MEAK7: variants seen among roughly 807,000 people sequenced by gnomAD.
MEAK7 encodes MTOR associated protein MEAK7, also known as MTOR-associated protein MEAK7.
Under a neutral mutation model 40.5 loss-of-function variants are expected in MEAK7, and 68 were observed. The observed-to-expected ratio is 1.68, with a 90% CI of 1.38 to 2.06. The LOEUF (loss-of-function observed/expected upper bound fraction) is 2.06, where lower values mean the gene tolerates loss of function less well. Ranked by LOEUF, MEAK7 falls within the 30% of genes most tolerant of loss-of-function variation. The pLI, the probability that MEAK7 is intolerant of heterozygous loss-of-function variation, is 0.00. For missense variants in MEAK7, 918 were observed against 580.5 expected (o/e 1.58, Z -5.98); for synonymous variants, 338 against 231.9 (o/e 1.46, Z -4.16).
In MEAK7 at chr16:84,487,015, C is replaced by A. The variant is rs1300535737; in HGVS notation, c.574G>T (p.Asp192Tyr). ...ACCCAGTCCTCGATCACAGCTCGGTCACAGTCATAGTCCAGCCACTGGGGC... is the reference window on the plus strand; with the variant it reads ...ACCCAGTCCTCGATCACAGCTCGGTAACAGTCATAGTCCAGCCACTGGGGC... ...LGPQWLDYDC[D>Y]RAVIEDWVFR... is the part of the protein sequence containing the mutation. Residue 192 changes from aspartate (D) to tyrosine (Y), a missense_variant, in exon 5 of 8, where the codon GAC becomes TAC. Physicochemically the swap from Asp to Tyr is radical, Grantham distance 160 (BLOSUM62 -3). Coordinates refer to ENST00000343629, the MANE Select transcript of MEAK7 (RefSeq NM_020947.4). 5 of 1,613,870 alleles carry A rather than the reference C, an allele frequency of 3.1e-6. No individual in the cohort carries two copies. The highest frequency in any genetic ancestry group is 2.2e-5 in the East Asian group (1 of 44,888).
rs989704469 is a variant in MEAK7 at position 84,487,167 on chromosome 16, G to C, written c.530-108C>G. On this transcript the variant is annotated intron_variant, in intron 4 of 7. Transcript: ENST00000343629. ...GAGCCACGAGTCACATGCAATTACT[G>C]AGCACAGAAAACAGGGCTCGTGTGA... The C allele has an allele frequency of 4.3e-6, 5 of 1,158,830 alleles. No individual in the cohort carries two copies. The Admixed American group carries it at 1.4e-4, about 32-fold the overall frequency. 71.8% of individuals were successfully genotyped at this position (1,158,830 alleles called of 1,614,324 possible).
At chr16:84,484,496 C>A (rs2150627694) in intron 5 of MEAK7, among the ~76,000 whole-genome samples, 1 of 152,300 alleles carries the variant, frequency 6.6e-6, no homozygotes, top group East Asian at 1.9e-4. Context: ...AAGCCTTGGG[C>A]CTTTTCAATG....
At chr16:84,494,006 G>T (rs1407667822) in intron 3 of MEAK7, among the ~76,000 whole-genome samples, 1 of 152,002 alleles carries the variant, frequency 6.6e-6, no homozygotes, top group Admixed American at 6.5e-5. Flanking sequence ...TAAATTCTTG[G>T]CTAGGCTTGG....
At chr16:84,501,093 CA>C (rs1273097004) in intron 1 of MEAK7, among the ~76,000 whole-genome samples, 8 of 27,810 alleles carry the variant, frequency 2.9e-4, no homozygotes, top group South Asian at 1.2e-3. Flanking sequence ...AGACTCGTCT[CA>C]AAAAAAAAAA....
chr16:84,496,680 A>G (rs1192048297), intron 2 of MEAK7, among the ~76,000 whole-genome samples: 2 of 152,060 alleles, frequency 1.3e-5, no homozygotes, highest in Admixed American at 1.3e-4. Flanking sequence ...CTGCATCACC[A>G]GGATGCAGGA....
At position 84,497,008 on chromosome 16, in the gene MEAK7, A is replaced by G. The variant is rs141411783; in HGVS notation, c.153+926T>C. 1,029 of 167,568 alleles carry G rather than the reference A, an allele frequency of 6.1e-3. 41 individuals are homozygous for G. The highest frequency in any genetic ancestry group is 6.8e-3 in the East Asian group (38 of 5,620). 10.4% of individuals were successfully genotyped at this position (167,568 alleles called of 1,614,324 possible). On this transcript the variant is annotated intron_variant, in intron 2 of 7. Transcript: ENST00000343629. ...TCCATGTTCCTTGGGCTCAGCATGT[A>G]TTTTTCATTCATTTTTATTTAAATT... is the stretch of plus-strand genomic sequence containing the variant.
At chr16:84,488,992 T>A (rs568600977) in intron 4 of MEAK7, among the ~76,000 whole-genome samples, 1 of 152,240 alleles carries the variant, frequency 6.6e-6, no homozygotes, top group Non-Finnish European at 1.5e-5. Flanking sequence ...AAAAGCTGGT[T>A]CTTCAAAAAG....
intron 5 of MEAK7, among the ~76,000 whole-genome samples, chr16:84,483,900 G>C (rs1210248809): frequency 6.6e-6 from 1 of 152,314 alleles, no homozygotes; most frequent in Non-Finnish European, 1.5e-5. Flanking sequence ...AGGCTAGAAA[G>C]TTCCACTGGA....
chr16:84,504,043 C>T (rs1567510230), intron 1 of MEAK7: 11 of 985,514 alleles, frequency 1.1e-5, no homozygotes, highest in African/African-American at 1.7e-5. Flanking sequence ...GGCCCTTGTG[C>T]GAAGGGGCAG....
At position 84,476,526 on chromosome 16, in the gene MEAK7, G is replaced by C. The variant is rs1339976598; in HGVS notation, c.*3387C>G. 6.6e-6 allele frequency: 1 copy of C among 152,042 alleles called. No individual in the cohort carries two copies. The highest frequency in any genetic ancestry group is 1.5e-5 in the Non-Finnish European group (1 of 68,022). The allele number at this position is 152,042 out of a possible 1,614,324, so 9.4% of individuals were successfully genotyped here. On this transcript the variant is annotated 3_prime_UTR_variant, in exon 8 of 8. Coordinates refer to ENST00000343629, the MANE Select transcript of MEAK7 (RefSeq NM_020947.4). ...TCCAATTCTAAGAGTTTATCCCACAGACACCATCACAGCAAGGCACACATA... is the reference window on the plus strand; with the variant it reads ...TCCAATTCTAAGAGTTTATCCCACACACACCATCACAGCAAGGCACACATA...
chr16:84,486,446 C>G (rs112204051), intron 5 of MEAK7, 185 bp downstream of exon 5: 2 of 1,402,298 alleles, frequency 1.4e-6, no homozygotes, highest in African/African-American at 2.9e-5. Flanking sequence ...ACGGCCTGTC[C>G]TGAAGAACTC....
chr16:84,503,355 T>C (rs1335693952), intron 1 of MEAK7, among the ~76,000 whole-genome samples: 3 of 152,148 alleles, frequency 2.0e-5, no homozygotes, highest in Non-Finnish European at 2.9e-5. Context: ...AACAAACTGC[T>C]AGGTAAGCTT....
Position 84,479,827 on chromosome 16 carries a change from C to A in MEAK7, c.*86G>T. 2 of 1,033,774 alleles carry A rather than the reference C, an allele frequency of 1.9e-6. No individual in the cohort carries two copies. Among genetic ancestry groups the A allele is most frequent in the South Asian group, 1.8e-5 (1 of 55,324 alleles). The allele number at this position is 1,033,774 out of a possible 1,614,324, so 64.0% of individuals were successfully genotyped here. A position where few individuals can be genotyped will look rare whatever the true frequency, so the allele number is the denominator to read the frequency against. ...CGTGCGGTACGCTATTACAGTTAAA[C>A]CATGTGGGAGGGAAGAGGGGCTGCA... On this transcript the variant is annotated 3_prime_UTR_variant, in exon 8 of 8. Coordinates refer to ENST00000343629, the MANE Select transcript of MEAK7 (RefSeq NM_020947.4).
At chr16:84,486,487 C>T in intron 5 of MEAK7, 144 bp downstream of exon 5, 1 of 1,434,956 alleles carries the variant, frequency 7.0e-7, no homozygotes, top group Non-Finnish European at 9.1e-7. Context: ...AGCAGCATCA[C>T]ATTTTCCTAT....
intron 5 of MEAK7, among the ~76,000 whole-genome samples, chr16:84,485,042 C>T (rs533775662): frequency 6.6e-5 from 10 of 152,278 alleles, no homozygotes; most frequent in Non-Finnish European, 1.0e-4. Flanking sequence ...ATCCTAAAGC[C>T]GAGCCTTCAG....
In MEAK7 at chr16:84,479,735, C is replaced by T; in HGVS notation, c.*178G>A. 2.3e-6 allele frequency: 1 copy of T among 427,768 alleles called. No individual in the cohort carries two copies. The highest frequency in any genetic ancestry group is 3.5e-5 in the East Asian group (1 of 28,482). 26.5% of individuals were successfully genotyped at this position (427,768 alleles called of 1,614,324 possible). On this transcript the variant is annotated 3_prime_UTR_variant, in exon 8 of 8. Coordinates refer to ENST00000343629, the MANE Select transcript of MEAK7 (RefSeq NM_020947.4). ...AAAACATCTATTTCTGGGAGATCCA[C>T]CCATGAGTCAGGACATGGCTTCAGA...
At chr16:84,481,149 A>C (rs966712586) in intron 6 of MEAK7, among the ~76,000 whole-genome samples, 19 of 152,208 alleles carry the variant, frequency 1.2e-4, no homozygotes, top group Admixed American at 3.9e-4. Flanking sequence ...TCACCCCAAG[A>C]CAGGCTGGGA....
rs751883948 is a variant in MEAK7, at chr16:84,487,066, G to A, written c.530-7C>T. ...CCCAGAAGTCTCTTGCCATCTAGGG[G>A]AAGGGGATGGTCAGCATTAGTGGGG... On this transcript the variant is annotated splice_region_variant and splice_polypyrimidine_tract_variant and intron_variant, in intron 4 of 7. Coordinates refer to ENST00000343629, the MANE Select transcript of MEAK7 (RefSeq NM_020947.4). The A allele has an allele frequency of 1.3e-5, 21 of 1,605,756 alleles. No homozygotes were observed. Among genetic ancestry groups the A allele is most frequent in the Non-Finnish European group, 1.7e-5 (20 of 1,176,094 alleles).
rs1242780990 is a variant in MEAK7 at position 84,495,767 on chromosome 16, T to G, written c.300A>C (p.Lys100Asn). 1.2e-6 allele frequency: 2 copies of G among 1,614,098 alleles called. No homozygotes were observed. The highest frequency in any genetic ancestry group is 2.7e-5 in the African/African-American group (2 of 75,026). The change falls in exon 3 of 8, where the codon AAA becomes AAC. Residue 100 changes from lysine (K) to asparagine (N), a missense_variant. Transcript: ENST00000343629. ...QFTASMSHLLKGNSEEKSLMI... is the reference protein window; with the variant it reads ...QFTASMSHLLNGNSEEKSLMI... The stretch of plus-strand genomic sequence containing the variant: ...TGAGACTCTTCTCCTCGGAGTTTCC[T>G]TTCAACAGGTGGGACATGGATGCTG...
Sources: gnomAD v4.1 joint callset for allele counts (sites outside exome capture counted in the v4.1 genomes callset) on GRCh38, gnomAD v4.1.1 for gene constraint, MANE v1.5 for transcripts, NCBI Gene and HGNC (gene_info 2026-07-23, HGNC 2026-07-21) for gene names.